The following SLIT3 variants were observed in gnomAD, a reference collection of about 807,000 sequenced individuals.
SLIT3 encodes the protein slit homolog 3 protein.
Under a neutral mutation model 184.0 loss-of-function variants are expected in SLIT3, and 68 were observed. The ratio of observed to expected loss-of-function variants is 0.37; its 90% CI spans 0.30 to 0.45. SLIT3 has a LOEUF of 0.45. SLIT3 is among the 20% of genes least tolerant of loss of function. SLIT3 has a pLI of 1.00. For missense variants in SLIT3, 1,707 were observed against 2,026.0 expected, an observed-to-expected ratio of 0.84 and a Z score of 3.02; for synonymous variants, 831 against 828.6, an observed-to-expected ratio of 1.00 and a Z score of -0.05.
At chr5:169,129,133 G>C (rs950217814) in intron 4 of SLIT3, among the ~76,000 whole-genome samples, 1 of 152,162 alleles carries the variant, frequency 6.6e-6, no homozygotes. Context: ...TGGCCCGAAA[G>C]GCCATGCGTC....
At chr5:169,219,774 G>T (rs35479935) in intron 3 of SLIT3, among the ~76,000 whole-genome samples, 36,327 of 152,144 alleles carry the variant, frequency 0.24, 5,254 homozygotes, top group Non-Finnish European at 0.33. Context: ...AGATGAAATC[G>T]CAGAAGCAGT....
At chr5:168,848,645 A>G (rs1758566214) in intron 5 of SLIT3, among the ~76,000 whole-genome samples, 1 of 152,204 alleles carries the variant, frequency 6.6e-6, no homozygotes, top group Admixed American at 6.5e-5. Flanking sequence ...ATGATACCAG[A>G]GTCCATTTAG....
intron 4 of SLIT3, chr5:168,994,300 G>C (rs538955877): frequency 6.6e-6 from 1 of 152,152 alleles, no homozygotes; most frequent in African/African-American, 2.4e-5. Context: ...GGGCTTTCTG[G>C]GGTTTACTGA....
chr5:168,735,925 G>A (rs1293929874), intron 20 of SLIT3, among the ~76,000 whole-genome samples: 1 of 152,072 alleles, frequency 6.6e-6, no homozygotes, highest in Non-Finnish European at 1.5e-5. Context: ...CACCCTCTTT[G>A]TCATCCTATT....
intron 5 of SLIT3, among the ~76,000 whole-genome samples, chr5:168,868,705 G>A (rs1446535435): frequency 5.1e-5 from 7 of 137,620 alleles, no homozygotes; most frequent in South Asian, 2.3e-4. Flanking sequence ...CTGAGATCAC[G>A]CCACTGCACA....
chr5:168,965,714 C>A (rs1425848285), intron 4 of SLIT3, among the ~76,000 whole-genome samples: 2 of 152,202 alleles, frequency 1.3e-5, no homozygotes, highest in Non-Finnish European at 2.9e-5. Context: ...AGCAATGACA[C>A]CTAAAAGTTT....
At chr5:168,871,707 C>T (rs576224527) in intron 5 of SLIT3, among the ~76,000 whole-genome samples, 1 of 152,170 alleles carries the variant, frequency 6.6e-6, no homozygotes, top group East Asian at 1.9e-4. Context: ...ATGTGATAAC[C>T]TGGGCCTAGT....
chr5:169,270,339 A>G (rs1175349996), intron 1 of SLIT3, among the ~76,000 whole-genome samples: 1 of 152,200 alleles, frequency 6.6e-6, no homozygotes, highest in Non-Finnish European at 1.5e-5. Flanking sequence ...TCAGCAAACT[A>G]CAGCCCACAG....
chr5:168,996,069 G>A (rs958915929), intron 4 of SLIT3, among the ~76,000 whole-genome samples: 2 of 152,146 alleles, frequency 1.3e-5, no homozygotes, highest in Admixed American at 6.5e-5. Context: ...CACTTAGCAC[G>A]GGGCCAGGCA....
rs1272410984 is a variant in SLIT3 at position 168,665,985 on chromosome 5, TATTCCTTTTTCTG to T, written c.*456_*468del. 1.3e-5 allele frequency: 2 copies of T among 152,316 alleles called. No homozygotes were observed. Among genetic ancestry groups the T allele is most frequent in the South Asian group, 2.1e-4 (1 of 4,840 alleles). The allele number at this position is 152,316 out of a possible 1,614,324, so 9.4% of individuals were successfully genotyped here. A position where few individuals can be genotyped will look rare whatever the true frequency, so the allele number is the denominator to read the frequency against. On this transcript the variant is annotated 3_prime_UTR_variant, in exon 36 of 36. Transcript: ENST00000519560. ...GTCTTTTCCTTCTCTCTCTTCCTCT[TATTCCTTTTTCTG>T]ATCTCAATGAGCAGCTCTTGGTCTA...
intron 4 of SLIT3, among the ~76,000 whole-genome samples, chr5:168,953,344 A>G (rs1463896858): frequency 6.6e-6 from 1 of 152,198 alleles, no homozygotes; most frequent in Non-Finnish European, 1.5e-5. Context: ...GGATTCAAAG[A>G]AATAGGAAGT....
At chr5:169,083,407 G>A (rs1053438820) in intron 4 of SLIT3, among the ~76,000 whole-genome samples, 1 of 152,158 alleles carries the variant, frequency 6.6e-6, no homozygotes, top group Non-Finnish European at 1.5e-5. Context: ...GGGGCGTTAG[G>A]GGGTGGGGGC....
At chr5:168,856,814 C>T (rs751018942) in intron 5 of SLIT3, among the ~76,000 whole-genome samples, 69 of 141,048 alleles carry the variant, frequency 4.9e-4, no homozygotes, top group Admixed American at 2.6e-3. Flanking sequence ...TGTGCGCGCG[C>T]GCGCACGCCT....
intron 4 of SLIT3, among the ~76,000 whole-genome samples, chr5:168,908,461 T>C (rs996291757): frequency 2.6e-5 from 4 of 152,066 alleles, no homozygotes; most frequent in Non-Finnish European, 4.4e-5. Context: ...GGATGAGCGG[T>C]GGAGAGGACG....
At chr5:168,970,208 A>C (rs987104160) in intron 4 of SLIT3, among the ~76,000 whole-genome samples, 1 of 151,600 alleles carries the variant, frequency 6.6e-6, no homozygotes, top group Non-Finnish European at 1.5e-5. Flanking sequence ...AAAACAGCAA[A>C]GACAAGGCCA....
At position 168,695,239 on chromosome 5, in the gene SLIT3, T is replaced by G. The variant is rs532540535; in HGVS notation, c.3082+1053A>C. Among the ~76,000 whole-genome samples the G allele has an allele frequency of 5.3e-5, 8 of 152,206 alleles. No individual in the cohort carries two copies. In the East Asian group the frequency reaches 1.5e-3, roughly 29 times the overall value. ...TCCAGGACATGGGAGTCCCTGAGCT[T>G]CCCCCTCCTCATTTTCTCCTTGCCT... On this transcript the variant is annotated intron_variant, in intron 28 of 35. Coordinates refer to ENST00000519560, the MANE Select transcript of SLIT3 (RefSeq NM_003062.4).
At chr5:168,839,731 A>C (rs1180203552) in intron 6 of SLIT3, among the ~76,000 whole-genome samples, 3 of 152,110 alleles carry the variant, frequency 2.0e-5, no homozygotes, top group Non-Finnish European at 4.4e-5. Flanking sequence ...ATAATACCCA[A>C]AACTTAATGG....
intron 6 of SLIT3, among the ~76,000 whole-genome samples, chr5:168,840,634 G>A (rs527907681): frequency 6.6e-6 from 1 of 152,150 alleles, no homozygotes; most frequent in South Asian, 2.1e-4. Flanking sequence ...GTATAAGCAC[G>A]ACTTACTTGG....
At position 168,799,794 on chromosome 5, in the gene SLIT3, A is replaced by G. The variant is rs571189004; in HGVS notation, c.936-4216T>C. ...ACACTGGCTCAAATTATTTTTTTCA[A>G]CAGTACTATGAACCAAGTAGTATTA... On this transcript the variant is annotated intron_variant, in intron 9 of 35. Coordinates refer to ENST00000519560, the MANE Select transcript of SLIT3 (RefSeq NM_003062.4). Among the ~76,000 whole-genome samples the G allele has an allele frequency of 2.0e-5, 3 of 152,318 alleles. No individual in the cohort carries two copies. In the South Asian group the frequency reaches 6.2e-4, roughly 32 times the overall value.
Sources: allele counts gnomAD v4.1 joint callset (sites outside exome capture counted in the v4.1 genomes callset), GRCh38; gene constraint gnomAD v4.1.1; transcripts MANE v1.5; gene names NCBI Gene and HGNC (gene_info 2026-07-23, HGNC 2026-07-21).